DCC: variants seen among roughly 807,000 people sequenced by gnomAD.
DCC encodes the protein netrin receptor DCC.
In DCC, 58 loss-of-function variants were observed where a neutral mutation model predicts 172.5. The ratio of observed to expected loss-of-function variants is 0.34; its 90% CI spans 0.27 to 0.42. The LOEUF (loss-of-function observed/expected upper bound fraction) is 0.42. Ranked by LOEUF, DCC falls within the 10% of genes least tolerant of loss-of-function variation. The pLI is 1.00. For synonymous variants in DCC, 709 were observed against 644.5 expected (o/e 1.10, Z -1.52); for missense variants, 1,740 against 1,791.0 (o/e 0.97, Z 0.51).
intron 22 of DCC, among the ~76,000 whole-genome samples, chr18:53,440,955 A>G (rs961895338): frequency 6.6e-6 from 1 of 152,240 alleles, no homozygotes; most frequent in African/African-American, 2.4e-5. Flanking sequence ...CAGCATTAAC[A>G]TGTAAGATTG....
rs1178388567 is a variant in DCC, at chr18:52,749,202, GA to G, written c.92-2842del. On this transcript the variant is annotated intron_variant, in intron 1 of 28. Coordinates refer to ENST00000442544, the MANE Select transcript of DCC (RefSeq NM_005215.4). ...GCCAGACTCCATCGCCCAAAAAAAA[GA>G]AAAAAAAAAGAATTATTCAGAAAGA... Among the ~76,000 whole-genome samples the G allele has an allele frequency of 7.0e-4, 102 of 146,504 alleles. 2 individuals carry two copies. In the South Asian group the frequency reaches 0.02, roughly 29 times the overall value.
chr18:52,362,333 G>T (rs1038626124), intron 1 of DCC, among the ~76,000 whole-genome samples: 1 of 152,194 alleles, frequency 6.6e-6, no homozygotes. Flanking sequence ...GAAGTCACAG[G>T]ACTTACTTGA....
In DCC at chr18:52,705,174, T is replaced by A. The variant is rs557664175; in HGVS notation, c.92-46880T>A. Reference sequence around the variant, plus strand: ...CTGTTTTCTAAGCACATTTTATATATGCCTTTCTATTAGGGATAGTGGCGA... The same window carrying A: ...CTGTTTTCTAAGCACATTTTATATAAGCCTTTCTATTAGGGATAGTGGCGA... On this transcript the variant is annotated intron_variant, in intron 1 of 28. Transcript: ENST00000442544. 9.2e-5 allele frequency among the ~76,000 whole-genome samples: 14 copies of A among 152,364 alleles called. No homozygotes were observed. In the East Asian group the frequency reaches 2.7e-3, roughly 29 times the overall value.
chr18:53,322,087 C>T lies in DCC; in HGVS notation c.2094C>T (p.Ala698=). 1 of 1,610,038 alleles carries T rather than the reference C, an allele frequency of 6.2e-7. No homozygotes were observed. Among genetic ancestry groups the T allele is most frequent in the Non-Finnish European group, 8.5e-7 (1 of 1,176,264 alleles). ...KGSQYSFQVS[A]MTVNGTGPPS... The stretch of plus-strand genomic sequence containing the variant: ...GTCAGTACAGTTTCCAGGTGTCAGC[C>T]ATGACAGTCAATGGTACTGGACCAC... The change falls in exon 14 of 29, where the codon GCC becomes GCT. Residue 698 remains alanine, a synonymous_variant. Coordinates refer to ENST00000442544, the MANE Select transcript of DCC (RefSeq NM_005215.4).
At chr18:52,771,154 T>C (rs901376470) in intron 2 of DCC, among the ~76,000 whole-genome samples, 1 of 152,206 alleles carries the variant, frequency 6.6e-6, no homozygotes, top group Non-Finnish European at 1.5e-5. Context: ...AGAGGCGCCC[T>C]GGGATGGCCC....
chr18:52,445,287 G>A (rs775734085), intron 1 of DCC, among the ~76,000 whole-genome samples: 1 of 152,114 alleles, frequency 6.6e-6, no homozygotes, highest in African/African-American at 2.4e-5. Context: ...GAAAGCAGTG[G>A]TTACCACAGC....
At chr18:52,895,042 G>A (rs909047981) in intron 2 of DCC, among the ~76,000 whole-genome samples, 6 of 152,180 alleles carry the variant, frequency 3.9e-5, no homozygotes, top group Non-Finnish European at 7.3e-5. Context: ...AAGTAATGCA[G>A]TCAGTGCAGG....
chr18:53,207,595 C>G, intron 10 of DCC, 84 bp from the exon 11 acceptor site: 2 of 1,269,210 alleles, frequency 1.6e-6, no homozygotes, highest in Non-Finnish European at 2.3e-6. Context: ...AGTCTAATGT[C>G]CAATTCACTG....
chr18:53,265,481 A>G (rs1382257228), intron 12 of DCC, among the ~76,000 whole-genome samples: 1 of 152,216 alleles, frequency 6.6e-6, no homozygotes, highest in African/African-American at 2.4e-5. Flanking sequence ...ATTGACAGCA[A>G]AAGAGGTTTT....
At chr18:53,064,833 T>G (rs961704818) in intron 6 of DCC, among the ~76,000 whole-genome samples, 1 of 152,204 alleles carries the variant, frequency 6.6e-6, no homozygotes, top group Non-Finnish European at 1.5e-5. Flanking sequence ...ATGGGCACTT[T>G]AAAAAGTGTT....
intron 12 of DCC, among the ~76,000 whole-genome samples, chr18:53,287,194 A>G (rs1421958411): frequency 6.6e-6 from 1 of 152,096 alleles, no homozygotes; most frequent in African/African-American, 2.4e-5. Context: ...GTCTTTGTAT[A>G]TTTGCCTATT....
chr18:53,504,695 T>C (rs1007049400), intron 27 of DCC, among the ~76,000 whole-genome samples: 1 of 152,206 alleles, frequency 6.6e-6, no homozygotes, highest in Non-Finnish European at 1.5e-5. Context: ...TAAATTAGTA[T>C]TTCCTCTGAG....
intron 2 of DCC, among the ~76,000 whole-genome samples, chr18:52,893,704 A>T (rs2039686832): frequency 1.3e-5 from 2 of 152,166 alleles, no homozygotes; most frequent in African/African-American, 2.4e-5. Context: ...ACATAGCACA[A>T]GTTGTTACAT....
chr18:53,130,236 A>G (rs917378049), intron 7 of DCC, among the ~76,000 whole-genome samples: 6 of 152,252 alleles, frequency 3.9e-5, no homozygotes, highest in South Asian at 2.1e-4. Context: ...CTTTAGAACA[A>G]CCAGGTGACC....
intron 1 of DCC, among the ~76,000 whole-genome samples, chr18:52,661,236 C>G (rs1374253556): frequency 6.6e-6 from 1 of 152,110 alleles, no homozygotes; most frequent in Non-Finnish European, 1.5e-5. Flanking sequence ...TTGATGGTAG[C>G]AGTGCAGAAT....
intron 1 of DCC, among the ~76,000 whole-genome samples, chr18:52,406,996 A>G (rs1204132971): frequency 6.9e-6 from 1 of 145,936 alleles, no homozygotes; most frequent in African/African-American, 2.5e-5. Context: ...AAAAATCACC[A>G]TGTTGTTTTG....
At position 52,951,664 on chromosome 18, in the gene DCC, G is replaced by A. The variant is rs375903185; in HGVS notation, c.985+26294G>A. ...GTCTTTTCAAAATAAATTTATATTT[G>A]GAAAGCAGTATGTAGACTCCTATGG... On this transcript the variant is annotated intron_variant, in intron 5 of 28. Transcript: ENST00000442544. Among the ~76,000 whole-genome samples, 86 of 152,232 alleles carry A rather than the reference G, an allele frequency of 5.6e-4. No individual in the cohort carries two copies. In the East Asian group the frequency reaches 9.2e-3, roughly 16 times the overall value.
At chr18:53,121,642 A>C (rs937021650) in intron 7 of DCC, among the ~76,000 whole-genome samples, 2 of 151,928 alleles carry the variant, frequency 1.3e-5, no homozygotes, top group Non-Finnish European at 2.9e-5. Flanking sequence ...TCTCCTTTGT[A>C]ATTTGCATAT....
At chr18:53,170,518 T>C (rs1466560399) in intron 8 of DCC, among the ~76,000 whole-genome samples, 3 of 152,232 alleles carry the variant, frequency 2.0e-5, no homozygotes, top group African/African-American at 7.2e-5. Flanking sequence ...TTAAGTTATG[T>C]CCTCAGATTC....
Sources: gnomAD v4.1 joint callset for allele counts (sites outside exome capture counted in the v4.1 genomes callset) on GRCh38, gnomAD v4.1.1 for gene constraint, MANE v1.5 for transcripts, NCBI Gene and HGNC (gene_info 2026-07-23, HGNC 2026-07-21) for gene names.